Variants in AGMO observed in about 807,000 individuals in gnomAD.
AGMO encodes alkylglycerol monooxygenase, also known as glyceryl-ether monooxygenase.
Under a neutral mutation model 60.2 loss-of-function variants are expected in AGMO, and 75 were observed. That is an observed-to-expected ratio of 1.25 (90% confidence interval 1.03 to 1.51). AGMO has a LOEUF of 1.51. Among genes scored for constraint, AGMO ranks in the 40% most tolerant of loss-of-function variants. The pLI, the probability that AGMO is intolerant of heterozygous loss-of-function variation, is 0.00. For missense variants in AGMO, 763 were observed against 525.5 expected, an observed-to-expected ratio of 1.45 and a Z score of -4.42; for synonymous variants, 261 against 177.1, an observed-to-expected ratio of 1.47 and a Z score of -3.76.
intron 12 of AGMO, among the ~76,000 whole-genome samples, chr7:15,311,743 G>A (rs1350238087): frequency 6.6e-6 from 1 of 152,106 alleles, no homozygotes; most frequent in East Asian, 1.9e-4. Context: ...GCATTTAAGT[G>A]AGAACACACA....
chr7:15,399,191 T>C (rs1784489486), intron 5 of AGMO, among the ~76,000 whole-genome samples: 1 of 152,146 alleles, frequency 6.6e-6, no homozygotes, highest in South Asian at 2.1e-4. Flanking sequence ...TTGAGAACTA[T>C]GGATGCCTAG....
chr7:15,374,676 G>C (rs1055535377), intron 10 of AGMO, among the ~76,000 whole-genome samples: 1 of 152,012 alleles, frequency 6.6e-6, no homozygotes, highest in African/African-American at 2.4e-5. Context: ...CAGGGAAATA[G>C]GATACAAATG....
intron 12 of AGMO, among the ~76,000 whole-genome samples, chr7:15,347,657 C>G (rs1390385943): frequency 6.6e-6 from 1 of 151,884 alleles, no homozygotes; most frequent in Non-Finnish European, 1.5e-5. Context: ...TTGAATTTTT[C>G]AAGAGAAACC....
intron 10 of AGMO, among the ~76,000 whole-genome samples, chr7:15,385,158 G>C (rs867513389): frequency 1.3e-5 from 2 of 152,124 alleles, no homozygotes; most frequent in South Asian, 2.1e-4. Flanking sequence ...TATTTTTATT[G>C]TAATTGTTTT....
intron 12 of AGMO, among the ~76,000 whole-genome samples, chr7:15,278,433 G>T (rs1303362407): frequency 6.6e-6 from 1 of 152,062 alleles, no homozygotes; most frequent in Admixed American, 6.6e-5. Flanking sequence ...GTCCTCAAGG[G>T]ACTGGACTGG....
chr7:15,506,227 C>A (rs759877615), intron 3 of AGMO, among the ~76,000 whole-genome samples: 13 of 151,936 alleles, frequency 8.6e-5, no homozygotes, highest in Admixed American at 2.0e-4. Flanking sequence ...TACTCTGTGC[C>A]AGAAACTGAA....
chr7:15,410,797 A>C (rs1237272118), intron 5 of AGMO, among the ~76,000 whole-genome samples: 3 of 151,930 alleles, frequency 2.0e-5, no homozygotes, highest in Admixed American at 6.6e-5. Context: ...TCCAGATTGT[A>C]TTTGTTACTA....
chr7:15,224,693 CT>C (rs1488933797), intron 12 of AGMO, among the ~76,000 whole-genome samples: 3 of 152,024 alleles, frequency 2.0e-5, no homozygotes, highest in Non-Finnish European at 2.9e-5. Context: ...CTTGAAAAAT[CT>C]TTTGTATTGT....
chr7:15,238,911 G>A (rs960621422), intron 12 of AGMO, among the ~76,000 whole-genome samples: 14 of 152,084 alleles, frequency 9.2e-5, no homozygotes, highest in South Asian at 2.1e-4. Flanking sequence ...TACACCAGGC[G>A]CAGGCGCTAT....
chr7:15,471,301 T>A (rs1043866953), intron 3 of AGMO, among the ~76,000 whole-genome samples: 30 of 151,926 alleles, frequency 2.0e-4, no homozygotes, highest in African/African-American at 7.2e-4. Context: ...CTAAATTTAA[T>A]GTTTTCTGAC....
At chr7:15,383,789 T>TA (rs1158403714) in intron 10 of AGMO, among the ~76,000 whole-genome samples, 2 of 152,164 alleles carry the variant, frequency 1.3e-5, no homozygotes, top group African/African-American at 4.8e-5. Flanking sequence ...TTTATTCATT[T>TA]AGGTTTTTTT....
intron 12 of AGMO, among the ~76,000 whole-genome samples, chr7:15,360,776 C>A (rs185616374): frequency 6.1e-4 from 93 of 152,110 alleles, no homozygotes; most frequent in African/African-American, 2.2e-3. Context: ...TCAATTGGAT[C>A]CAAAAGCTAT....
chr7:15,247,048 C>A (rs570757286), intron 12 of AGMO, among the ~76,000 whole-genome samples: 1 of 152,104 alleles, frequency 6.6e-6, no homozygotes, highest in East Asian at 1.9e-4. Flanking sequence ...TCAGGCAATT[C>A]ATCCACTTAG....
chr7:15,183,108 C>A, the AGMO span, among the ~76,000 whole-genome samples: 12 of 139,454 alleles, frequency 8.6e-5, no homozygotes, highest in African/African-American at 3.3e-4. Flanking sequence ...AACCATATTG[C>A]ACTTCTTTTG....
At chr7:15,233,291 C>T (rs779942888) in intron 12 of AGMO, among the ~76,000 whole-genome samples, 1 of 152,130 alleles carries the variant, frequency 6.6e-6, no homozygotes, top group African/African-American at 2.4e-5. Context: ...AAATTACCAG[C>T]CACAGGTTGA....
chr7:15,143,502 G>C, the AGMO span, among the ~76,000 whole-genome samples: 1 of 152,214 alleles, frequency 6.6e-6, no homozygotes, highest in East Asian at 1.9e-4. Context: ...GCAGACTGTT[G>C]TAAACTCAGA....
intron 12 of AGMO, among the ~76,000 whole-genome samples, chr7:15,250,946 A>G (rs1167134748): frequency 7.0e-6 from 1 of 143,814 alleles, no homozygotes; most frequent in Non-Finnish European, 1.5e-5. Context: ...ACTCCATCTC[A>G]AAAAAAAAAA....
intron 12 of AGMO, among the ~76,000 whole-genome samples, chr7:15,352,531 A>C (rs749118328): frequency 8.4e-4 from 127 of 151,032 alleles, no homozygotes; most frequent in Non-Finnish European, 1.5e-3. Flanking sequence ...TTGGGTGTTC[A>C]GGGGAGGGGG....
chr7:15,132,734 CTG>C, the AGMO span, among the ~76,000 whole-genome samples: 2 of 152,102 alleles, frequency 1.3e-5, no homozygotes, highest in Admixed American at 6.6e-5. Flanking sequence ...GCAGTGAAGA[CTG>C]TACTCAGATT....
Sources: gnomAD v4.1 joint callset for allele counts (sites outside exome capture counted in the v4.1 genomes callset) on GRCh38, gnomAD v4.1.1 for gene constraint, MANE v1.5 for transcripts, NCBI Gene and HGNC (gene_info 2026-07-23, HGNC 2026-07-21) for gene names.